Variants in GALNT13 observed in about 807,000 individuals in gnomAD.
GALNT13 encodes polypeptide N-acetylgalactosaminyltransferase 13, also known as UDP-GalNAc:polypeptide N-acetylgalactosaminyltransferase 13.
GALNT13 carries 28 observed loss-of-function variants against 64.2 expected under a neutral mutation model. The ratio of observed to expected loss-of-function variants is 0.44; its 90% CI spans 0.32 to 0.60. The LOEUF (loss-of-function observed/expected upper bound fraction) is 0.60. GALNT13 is among the 20% of genes least tolerant of loss of function. GALNT13 has a pLI of 0.05. For synonymous variants in GALNT13, 214 were observed against 224.6 expected (o/e 0.95, Z 0.42); for missense variants, 577 against 669.8 (o/e 0.86, Z 1.53).
intron 11 of GALNT13, among the ~76,000 whole-genome samples, chr2:154,411,419 CA>C (rs1049423339): frequency 6.7e-6 from 1 of 149,914 alleles, no homozygotes; most frequent in Non-Finnish European, 1.5e-5. Context: ...CAGTATTTAC[CA>C]AGAGGGGAAT....
intron 3 of GALNT13, among the ~76,000 whole-genome samples, chr2:153,971,599 C>T (rs1693744420): frequency 6.6e-6 from 1 of 152,040 alleles, no homozygotes; most frequent in African/African-American, 2.4e-5. Flanking sequence ...AATCTATATA[C>T]AACATAAACA....
Position 154,300,182 on chromosome 2 carries a change from A to C in GALNT13, c.976-1227A>C, listed in dbSNP as rs566876385. 1.6e-4 allele frequency among the ~76,000 whole-genome samples: 23 copies of C among 140,804 alleles called. No homozygotes were observed. In the South Asian group the frequency reaches 5.1e-3, roughly 31 times the overall value. 92.4% of individuals were successfully genotyped at this position (140,804 alleles called of 152,430 possible). On this transcript the variant is annotated intron_variant, in intron 8 of 12. Transcript: ENST00000392825. ...ATGGCGCGTGATCTCGGCTCACTGCAACCTCTGCCTCCCGAGTTCAAGCGA... is the reference window on the plus strand; with the variant it reads ...ATGGCGCGTGATCTCGGCTCACTGCCACCTCTGCCTCCCGAGTTCAAGCGA...
At chr2:154,150,758 G>A (rs1232249644) in intron 4 of GALNT13, among the ~76,000 whole-genome samples, 2 of 152,190 alleles carry the variant, frequency 1.3e-5, no homozygotes, top group East Asian at 1.9e-4. Flanking sequence ...TTGTTTTTCT[G>A]TGGGATCGGT....
At chr2:153,988,978 T>C (rs1400288182) in intron 3 of GALNT13, among the ~76,000 whole-genome samples, 1 of 151,892 alleles carries the variant, frequency 6.6e-6, no homozygotes, top group Non-Finnish European at 1.5e-5. Flanking sequence ...ATAATTTATG[T>C]CAAATTTTGT....
At chr2:153,478,785 G>T in the GALNT13 span, 30 of 488,902 alleles carry the variant, frequency 6.1e-5, no homozygotes, top group Non-Finnish European at 1.1e-5. Flanking sequence ...TCCAGCCCTG[G>T]TGGTGCTCGT....
chr2:153,200,888 C>A, the GALNT13 span, among the ~76,000 whole-genome samples: 1 of 152,162 alleles, frequency 6.6e-6, no homozygotes, highest in African/African-American at 2.4e-5. Context: ...CCTGAAGGCA[C>A]TCATTCTCAC....
chr2:153,177,094 CA>C, the GALNT13 span, among the ~76,000 whole-genome samples: 44,238 of 151,814 alleles, frequency 0.29, 6,762 homozygotes, highest in Middle Eastern at 0.41. Flanking sequence ...TAGGTAAGTA[CA>C]AATAGCATTG....
At chr2:154,060,698 C>T (rs986460379) in intron 3 of GALNT13, among the ~76,000 whole-genome samples, 1 of 152,052 alleles carries the variant, frequency 6.6e-6, no homozygotes, top group Non-Finnish European at 1.5e-5. Context: ...TATTAGAAGA[C>T]CATTGAAAAG....
chr2:153,114,779 G>A, the GALNT13 span, among the ~76,000 whole-genome samples: 3 of 152,046 alleles, frequency 2.0e-5, no homozygotes, highest in African/African-American at 7.3e-5. Context: ...CAAAAACTGA[G>A]TTTACCAATG....
the GALNT13 span, among the ~76,000 whole-genome samples, chr2:153,624,503 C>T: frequency 3.9e-5 from 6 of 152,098 alleles, no homozygotes; most frequent in Non-Finnish European, 5.9e-5. Context: ...GCTTTTGCCC[C>T]TGCCATAAAA....
At chr2:153,251,627 C>G in the GALNT13 span, among the ~76,000 whole-genome samples, 1 of 117,840 alleles carries the variant, frequency 8.5e-6, no homozygotes, top group African/African-American at 3.2e-5. Flanking sequence ...CCCCTCCCCC[C>G]ACCCCACCAC....
At chr2:153,759,423 A>G in the GALNT13 span, among the ~76,000 whole-genome samples, 4 of 152,182 alleles carry the variant, frequency 2.6e-5, no homozygotes, top group African/African-American at 9.6e-5. Context: ...ATCATTAAGT[A>G]TAATGTTAGC....
intron 9 of GALNT13, among the ~76,000 whole-genome samples, chr2:154,377,050 A>G (rs1698032469): frequency 6.6e-6 from 1 of 152,184 alleles, no homozygotes; most frequent in African/African-American, 2.4e-5. Context: ...TAGTTCAGAT[A>G]TATCTTTATA....
the GALNT13 span, among the ~76,000 whole-genome samples, chr2:153,111,156 A>G: frequency 1.3e-5 from 2 of 152,116 alleles, no homozygotes; most frequent in African/African-American, 4.8e-5. Context: ...AAAAGTGTGC[A>G]TATTATATTG....
intron 3 of GALNT13, among the ~76,000 whole-genome samples, chr2:153,972,365 A>G (rs1178094714): frequency 6.6e-6 from 1 of 151,680 alleles, no homozygotes; most frequent in Non-Finnish European, 1.5e-5. Context: ...GACACTAAGA[A>G]CTCTTTACTC....
chr2:154,337,108 C>T (rs1430920916), intron 9 of GALNT13, among the ~76,000 whole-genome samples: 3 of 151,750 alleles, frequency 2.0e-5, no homozygotes, highest in Non-Finnish European at 4.4e-5. Flanking sequence ...AGTGCCAGGC[C>T]CCACATAACA....
At chr2:153,561,111 G>A in the GALNT13 span, among the ~76,000 whole-genome samples, 4 of 151,330 alleles carry the variant, frequency 2.6e-5, no homozygotes, top group Non-Finnish European at 5.9e-5. Flanking sequence ...CTATTGATTT[G>A]GAGATGTTAA....
chr2:154,192,426 T>C (rs1471804781), intron 4 of GALNT13, among the ~76,000 whole-genome samples: 1 of 152,276 alleles, frequency 6.6e-6, no homozygotes, highest in East Asian at 1.9e-4. Context: ...CTCCCAGCTC[T>C]TCCCTGCCCC....
the GALNT13 span, among the ~76,000 whole-genome samples, chr2:153,121,783 C>T: frequency 9.9e-5 from 15 of 152,280 alleles, 2 homozygotes; most frequent in Middle Eastern, 3.4e-3. Context: ...ATCCACCTGA[C>T]TAAACCTCCC....
Sources: allele counts gnomAD v4.1 joint callset (sites outside exome capture counted in the v4.1 genomes callset), GRCh38; gene constraint gnomAD v4.1.1; transcripts MANE v1.5; gene names NCBI Gene and HGNC (gene_info 2026-07-23, HGNC 2026-07-21).